Variants in FYCO1 observed in about 807,000 individuals in gnomAD.
The protein encoded by FYCO1 is FYVE and coiled-coil domain autophagy adaptor 1, also known as FYVE and coiled-coil domain-containing protein 1.
A neutral mutation model predicts 165.1 loss-of-function variants in FYCO1; 122 were observed. The observed-to-expected ratio is 0.74, with a 90% CI of 0.64 to 0.86. FYCO1 has a LOEUF of 0.86. Ranked by LOEUF, FYCO1 falls within the 40% of genes least tolerant of loss-of-function variation. FYCO1 has a pLI of 0.00. For synonymous variants in FYCO1, 648 were observed against 742.5 expected (o/e 0.87, Z 2.07); for missense variants, 1,702 against 1,810.3 (o/e 0.94, Z 1.09).
chr3:45,988,206 T>C (rs560420752), intron 1 of FYCO1, among the ~76,000 whole-genome samples: 22 of 152,206 alleles, frequency 1.4e-4, no homozygotes, highest in Middle Eastern at 3.4e-3. Context: ...AGGAAGTAAA[T>C]CAGAGCTTCC....
At chr3:45,946,712 C>CCT in intron 14 of FYCO1, 1 of 1,614,202 alleles carries the variant, frequency 6.2e-7, no homozygotes, top group Non-Finnish European at 8.5e-7. Context: ...CCCTGGCTGA[C>CCT]CTGGTGTTTG....
chr3:45,948,617 T>C (rs982877761), intron 14 of FYCO1, among the ~76,000 whole-genome samples: 1 of 152,238 alleles, frequency 6.6e-6, no homozygotes. Context: ...TTTATGCATG[T>C]TTATTAAATC....
In FYCO1 at chr3:45,958,636, C is replaced by T. The variant is rs1351445884; in HGVS notation, c.3588-17G>A. ...CCACATATCCTGGGAACAAAACAAGCCCAGGCTGTGAGGATGACACACTAT... is the reference window on the plus strand; with the variant it reads ...CCACATATCCTGGGAACAAAACAAGTCCAGGCTGTGAGGATGACACACTAT... On this transcript the variant is annotated splice_polypyrimidine_tract_variant and intron_variant, in intron 12 of 17. Coordinates refer to ENST00000296137, the MANE Select transcript of FYCO1 (RefSeq NM_024513.4). 5 of 1,612,916 alleles carry T rather than the reference C, an allele frequency of 3.1e-6. No individual in the cohort carries two copies. Among genetic ancestry groups the T allele is most frequent in the Non-Finnish European group, 4.2e-6 (5 of 1,178,904 alleles).
chr3:45,979,625 C>T (rs1706944556), intron 4 of FYCO1, 80 bp downstream of exon 4: 3 of 1,552,716 alleles, frequency 1.9e-6, no homozygotes, highest in Non-Finnish European at 2.7e-6. Flanking sequence ...ATTTAGCTGT[C>T]TGCAGCAAAG....
rs1703885062 is a variant in FYCO1, at chr3:45,936,340, G to A, written c.4040+108C>T. On this transcript the variant is annotated intron_variant, in intron 15 of 17. Coordinates refer to ENST00000296137, the MANE Select transcript of FYCO1 (RefSeq NM_024513.4). ...AAAAAAGAATAAACGAAGCCCCACT[G>A]GTATTAAGTTAGAGCCCCCGAGGTG... The A allele has an allele frequency of 5.2e-6, 4 of 762,098 alleles. No individual in the cohort carries two copies. In the South Asian group the frequency reaches 5.5e-5, roughly 10 times the overall value. 47.2% of individuals were successfully genotyped at this position (762,098 alleles called of 1,614,324 possible). A position where few individuals can be genotyped will look rare whatever the true frequency, so the allele number is the denominator to read the frequency against.
intron 15 of FYCO1, among the ~76,000 whole-genome samples, chr3:45,935,703 T>C (rs565018070): frequency 4.7e-4 from 72 of 152,380 alleles, no homozygotes; most frequent in African/African-American, 1.7e-3. Context: ...TTGTAACATT[T>C]ATACAATATT....
At position 45,941,340 on chromosome 3, in the gene FYCO1, G is replaced by A. The variant is rs1575339530; in HGVS notation, c.3945-4797C>T. 2.6e-5 allele frequency: 4 copies of A among 152,176 alleles called. No homozygotes were observed. The East Asian group carries it at 7.7e-4, about 29-fold the overall frequency. 9.4% of individuals were successfully genotyped at this position (152,176 alleles called of 1,614,324 possible). On this transcript the variant is annotated intron_variant, in intron 14 of 17. Transcript: ENST00000296137. ...ACAGTCTGACTTCCAAGATAAATCTGCAGCAGGTATGTCTGCCACTTCCTT... is the reference window on the plus strand; with the variant it reads ...ACAGTCTGACTTCCAAGATAAATCTACAGCAGGTATGTCTGCCACTTCCTT...
Position 45,975,275 on chromosome 3 carries a change from G to T in FYCO1, c.359C>A (p.Thr120Asn), listed in dbSNP as rs1390733100. 2 of 1,613,822 alleles carry T rather than the reference G, an allele frequency of 1.2e-6. No homozygotes were observed. Among genetic ancestry groups the T allele is most frequent in the African/African-American group, 2.7e-5 (2 of 74,906 alleles). The change falls in exon 5 of 18, where the codon ACC becomes AAC. Residue 120 changes from threonine (T) to asparagine (N), a missense_variant. Coordinates refer to ENST00000296137, the MANE Select transcript of FYCO1 (RefSeq NM_024513.4). The stretch of plus-strand genomic sequence containing the variant: ...GGTGTTCATGAAGCACTGCTGTAAG[G>T]TGTCTGCCAACCTCTGGTGCACCAA... Reference protein sequence around the residue: ...YSLVHQRLADTLQQCFMNTKV... With the variant: ...YSLVHQRLADNLQQCFMNTKV...
intron 14 of FYCO1, among the ~76,000 whole-genome samples, chr3:45,954,599 G>A (rs538026438): frequency 5.3e-5 from 8 of 152,272 alleles, no homozygotes; most frequent in African/African-American, 7.2e-5. Context: ...AGGCTGAATC[G>A]TCTCCCCATG....
At position 45,962,313 on chromosome 3, in the gene FYCO1, C is replaced by T. The variant is rs1376727105; in HGVS notation, c.3349G>A (p.Glu1117Lys). 6.2e-7 allele frequency: 1 copy of T among 1,614,212 alleles called. No individual in the cohort carries two copies. The highest frequency in any genetic ancestry group is 1.7e-5 in the Admixed American group (1 of 60,036). Residue 1117 changes from glutamate to lysine, a missense_variant, in exon 11 of 18, where the codon GAG (glutamate) becomes AAG (lysine). Glu to Lys is a moderately conservative substitution (Grantham distance 56). Coordinates refer to ENST00000296137, the MANE Select transcript of FYCO1 (RefSeq NM_024513.4). The surrounding 1 kb of genome is among the most constrained non-coding windows in gnomAD (Gnocchi z 4.4). ...NKLCQEVTNR[E>K]RNDQKMLADL... ...GCAAGCATCTTCTGGTCATTCCTCT[C>T]ACGATTTGTCACCTCCTGGCAGAGT...
intron 16 of FYCO1, among the ~76,000 whole-genome samples, chr3:45,927,762 C>CA (rs1703392934): frequency 6.6e-6 from 1 of 152,234 alleles, no homozygotes; most frequent in Non-Finnish European, 1.5e-5. Context: ...GGCCTGGTCT[C>CA]AGACACTGCA....
Position 45,967,740 on chromosome 3 carries a change from G to T in FYCO1, c.1594C>A (p.Leu532Met). ...ATGAGCTGCTTCTTCTGCTCCTCCA[G>T]GTCACTCACATGTTGGCTCACCTGT... ...LAQVSQHVSD[L>M]EEQKKQLIQD... is the part of the protein sequence containing the mutation. Residue 532 changes from leucine to methionine, a missense_variant, in exon 8 of 18, where the codon CTG becomes ATG. Physicochemically the swap from Leu to Met is conservative, Grantham distance 15. Coordinates refer to ENST00000296137, the MANE Select transcript of FYCO1 (RefSeq NM_024513.4). The T allele has an allele frequency of 1.9e-6, 3 of 1,613,278 alleles. No individual in the cohort carries two copies. Among genetic ancestry groups the T allele is most frequent in the Non-Finnish European group, 2.5e-6 (3 of 1,180,026 alleles).
At position 45,947,397 on chromosome 3, in the gene FYCO1, A is replaced by G. The variant is rs746418739; in HGVS notation, c.3944+7852T>C. 4.3e-6 allele frequency: 7 copies of G among 1,614,238 alleles called. No individual in the cohort carries two copies. The Admixed American group carries it at 5.0e-5, about 12-fold the overall frequency. On this transcript the variant is annotated intron_variant, in intron 14 of 17. Transcript: ENST00000296137. Reference sequence around the variant, plus strand: ...GAACTTCTGGAAACTTGTGAAGGACATTGGTTGCCTCCCTTACCTTGGGGT... The same window carrying G: ...GAACTTCTGGAAACTTGTGAAGGACGTTGGTTGCCTCCCTTACCTTGGGGT...
In FYCO1 at chr3:45,967,611, C is replaced by T; in HGVS notation, c.1723G>A (p.Val575Ile). ...TCTTGCAGACTGGAGTTCACAGGGA[C>T]CAGGGCCTCATTCTTCTCACCTGCC... ...PVAGEKNEAL[V>I]PVNSSLQEAW... The change falls in exon 8 of 18, where the codon GTC becomes ATC. Residue 575 changes from valine to isoleucine, a missense_variant. By Grantham distance (29) the Val-to-Ile change is conservative. Transcript: ENST00000296137. 1 of 1,614,098 alleles carries T rather than the reference C, an allele frequency of 6.2e-7. No homozygotes were observed. Among genetic ancestry groups the T allele is most frequent in the Non-Finnish European group, 8.5e-7 (1 of 1,180,024 alleles).
chr3:45,954,038 C>T (rs1489381485), intron 14 of FYCO1, among the ~76,000 whole-genome samples: 1 of 152,194 alleles, frequency 6.6e-6, no homozygotes, highest in Non-Finnish European at 1.5e-5. Context: ...ACTGGAGACC[C>T]AAGACAGCCC....
In FYCO1 at chr3:45,921,833, A is replaced by G. The variant is rs756242831; in HGVS notation, c.4369T>C (p.Ser1457Pro). ...GTCAAGTGATAAAATACCTTTTTAG[A>G]GACAAACCTGAGGAAACAGAAATGG... ...IFDNTFSRFVSKKVFYHLTVD... is the reference protein window; with the variant it reads ...IFDNTFSRFVPKKVFYHLTVD... Residue 1457 changes from serine (S) to proline (P), a missense_variant, in exon 18 of 18, where the codon TCT (serine) becomes CCT (proline). By Grantham distance (74) the Ser-to-Pro change is moderately conservative (BLOSUM62 -1). Transcript: ENST00000296137. The G allele has an allele frequency of 8.7e-6, 14 of 1,609,352 alleles. No individual in the cohort carries two copies. The highest frequency in any genetic ancestry group is 1.2e-5 in the Non-Finnish European group (14 of 1,175,614).
At chr3:45,986,064 A>G (rs894904803) in intron 1 of FYCO1, among the ~76,000 whole-genome samples, 1 of 152,244 alleles carries the variant, frequency 6.6e-6, no homozygotes, top group Non-Finnish European at 1.5e-5. Flanking sequence ...CTGGTGGAGC[A>G]GATAACATCG....
chr3:45,970,448 G>C (rs1706358355), intron 6 of FYCO1, among the ~76,000 whole-genome samples: 1 of 152,182 alleles, frequency 6.6e-6, no homozygotes. Context: ...TGTACATAAG[G>C]AGACAGTGGG....
chr3:45,936,099 T>C (rs1362635339), intron 15 of FYCO1, among the ~76,000 whole-genome samples: 6 of 152,184 alleles, frequency 3.9e-5, no homozygotes, highest in Admixed American at 2.0e-4. Flanking sequence ...CCTAATTTTT[T>C]ACAATGAAAG....
Sources: gnomAD v4.1 joint callset for allele counts (sites outside exome capture counted in the v4.1 genomes callset) on GRCh38, gnomAD v4.1.1 for gene constraint, Gnocchi (gnomAD v3.1) non-coding constraint, MANE v1.5 for transcripts, NCBI Gene and HGNC (gene_info 2026-07-23, HGNC 2026-07-21) for gene names.